INTS15: variants seen among roughly 807,000 people sequenced by gnomAD.
INTS15 encodes uncharacterized protein C7orf26.
chr7:6,607,117 C>T, the INTS15 span, among the ~76,000 whole-genome samples: 1 of 151,412 alleles, frequency 6.6e-6, no homozygotes, highest in Admixed American at 6.6e-5. The surrounding 1 kb of genome is among the most constrained non-coding windows in gnomAD (Gnocchi z 6.0). Context: ...CCAGGGAGTT[C>T]TGGGGGGTTG....
the INTS15 span, chr7:6,590,186 C>G: frequency 1.7e-6 from 2 of 1,144,994 alleles, no homozygotes; most frequent in Admixed American, 4.2e-5. Flanking sequence ...GCAGCCCAGG[C>G]CCGGGTCGCG....
chr7:6,604,920 C>G, the INTS15 span, among the ~76,000 whole-genome samples: 1 of 152,116 alleles, frequency 6.6e-6, no homozygotes, highest in African/African-American at 2.4e-5. Flanking sequence ...GACAGCAGCA[C>G]AGACAGATCA....
At chr7:6,591,060 A>C in the INTS15 span, among the ~76,000 whole-genome samples, 4 of 151,668 alleles carry the variant, frequency 2.6e-5, no homozygotes, top group African/African-American at 9.7e-5. Context: ...GCTGGTCTCA[A>C]ACTCCTGGGC....
chr7:6,594,505 G>T, the INTS15 span: 4 of 1,614,002 alleles, frequency 2.5e-6, no homozygotes, highest in African/African-American at 2.7e-5. Flanking sequence ...TTGGTGCCGG[G>T]ATCCATTCAG....
At chr7:6,590,479 C>G in the INTS15 span, 1 of 1,567,106 alleles carries the variant, frequency 6.4e-7, no homozygotes, top group Non-Finnish European at 8.6e-7. Context: ...GCCCAAGGTG[C>G]GGCCTGAGAC....
the INTS15 span, among the ~76,000 whole-genome samples, chr7:6,595,776 A>C: frequency 6.6e-6 from 1 of 152,052 alleles, no homozygotes; most frequent in Non-Finnish European, 1.5e-5. Context: ...CAAAACTCTT[A>C]GGCTCAAGTG....
the INTS15 span, chr7:6,591,619 A>T: frequency 1.9e-6 from 3 of 1,598,974 alleles, no homozygotes; most frequent in Non-Finnish European, 2.6e-6. Context: ...CACATTTCTT[A>T]ACGCTTTTCC....
At chr7:6,600,483 G>C in the INTS15 span, 10 of 1,008,080 alleles carry the variant, frequency 9.9e-6, 1 homozygote, top group Admixed American at 2.0e-4. Flanking sequence ...AGTGAACACA[G>C]GGGAGGAAGG....
At chr7:6,599,714 C>T in the INTS15 span, 1 of 1,008,234 alleles carries the variant, frequency 9.9e-7, no homozygotes, top group Non-Finnish European at 1.5e-6. Context: ...GAGGCGTGAT[C>T]CAGACCATCA....
chr7:6,600,025 G>C, the INTS15 span: 2 of 1,614,164 alleles, frequency 1.2e-6, no homozygotes, highest in Non-Finnish European at 1.7e-6. Context: ...GGAAAAAGAA[G>C]CCCCCCTTAT....
the INTS15 span, among the ~76,000 whole-genome samples, chr7:6,596,380 T>G: frequency 6.9e-6 from 1 of 145,770 alleles, no homozygotes; most frequent in Admixed American, 6.9e-5. Flanking sequence ...GTCACCCTTT[T>G]TTTTTTTTTT....
At chr7:6,596,744 A>G in the INTS15 span, among the ~76,000 whole-genome samples, 3 of 151,778 alleles carry the variant, frequency 2.0e-5, no homozygotes, top group South Asian at 4.1e-4. Context: ...TATTGTGAAC[A>G]TGCAAGCGCG....
chr7:6,608,203 C>G, the INTS15 span: 1 of 1,535,180 alleles, frequency 6.5e-7, no homozygotes. Context: ...TGGACGAAGC[C>G]TTTCGAGATG....
the INTS15 span, among the ~76,000 whole-genome samples, chr7:6,592,254 TTTTG>T: frequency 6.6e-6 from 1 of 152,012 alleles, no homozygotes; most frequent in Non-Finnish European, 1.5e-5. Flanking sequence ...CTGGAGTGTT[TTTTG>T]TTTGTTTGTT....
chr7:6,608,076 A>ACC, the INTS15 span: 3 of 1,143,478 alleles, frequency 2.6e-6, no homozygotes, highest in Non-Finnish European at 3.6e-6. Context: ...GTCCCGGCCC[A>ACC]CCCCGCCGCC....
chr7:6,600,140 C>T, the INTS15 span: 1 of 1,614,238 alleles, frequency 6.2e-7, no homozygotes, highest in East Asian at 2.2e-5. Context: ...CCTGCAAGTG[C>T]TCATGACGCT....
chr7:6,603,017 A>C, the INTS15 span, among the ~76,000 whole-genome samples: 1 of 152,222 alleles, frequency 6.6e-6, no homozygotes, highest in Admixed American at 6.6e-5. Flanking sequence ...TGGGAAGCTG[A>C]GGCAGGTGGA....
the INTS15 span, among the ~76,000 whole-genome samples, chr7:6,599,426 C>G: frequency 1.3e-5 from 2 of 152,160 alleles, no homozygotes; most frequent in South Asian, 4.1e-4. Flanking sequence ...CTGCCCCATA[C>G]AGGAGACACT....
At chr7:6,590,164 C>A in the INTS15 span, 34 of 847,768 alleles carry the variant, frequency 4.0e-5, no homozygotes, top group Non-Finnish European at 4.6e-5. Context: ...GGCGGGCAAG[C>A]GGGCGGGTGC....
Sources: gnomAD v4.1 joint callset for allele counts (sites outside exome capture counted in the v4.1 genomes callset) on GRCh38, gnomAD v4.1.1 for gene constraint, Gnocchi (gnomAD v3.1) non-coding constraint, MANE v1.5 for transcripts, NCBI Gene and HGNC (gene_info 2026-07-23, HGNC 2026-07-21) for gene names.